The following TMEM163 variants were observed in gnomAD, a reference collection of about 807,000 sequenced individuals.
TMEM163 encodes the protein transmembrane protein 163.
In TMEM163, 17 loss-of-function variants were observed where a neutral mutation model predicts 29.3. The ratio of observed to expected loss-of-function variants is 0.58; its 90% CI spans 0.40 to 0.87. The LOEUF is 0.87. Among genes scored for constraint, TMEM163 ranks in the 40% least tolerant of loss-of-function variants. The pLI, the probability that TMEM163 is intolerant of heterozygous loss-of-function variation, is 0.00. For missense variants in TMEM163, 303 were observed against 381.5 expected (o/e 0.79, Z 1.71); for synonymous variants, 157 against 160.6 (o/e 0.98, Z 0.17).
chr2:134,718,242 C>G (rs1028533026), intron 1 of TMEM163, among the ~76,000 whole-genome samples: 5 of 152,204 alleles, frequency 3.3e-5, no homozygotes, highest in Non-Finnish European at 5.9e-5. Context: ...TTCGCCGGGG[C>G]GGGCAGCCGG....
intron 2 of TMEM163, among the ~76,000 whole-genome samples, chr2:134,711,828 T>G (rs1684933266): frequency 6.6e-6 from 1 of 152,208 alleles, no homozygotes; most frequent in African/African-American, 2.4e-5. Context: ...CAAAACAGCT[T>G]TATCAGGCAC....
At chr2:134,511,465 T>C (rs1679948558) in intron 4 of TMEM163, among the ~76,000 whole-genome samples, 2 of 152,242 alleles carry the variant, frequency 1.3e-5, no homozygotes, top group South Asian at 2.1e-4. Flanking sequence ...CTGACTCACA[T>C]TCAAAAAGGA....
At chr2:134,534,789 T>A (rs962265859) in intron 4 of TMEM163, among the ~76,000 whole-genome samples, 4 of 151,768 alleles carry the variant, frequency 2.6e-5, no homozygotes, top group African/African-American at 9.7e-5. Context: ...TAAAAATGAA[T>A]CTTTATTCTA....
At chr2:134,656,566 T>G (rs895406132) in intron 2 of TMEM163, among the ~76,000 whole-genome samples, 15 of 152,126 alleles carry the variant, frequency 9.9e-5, no homozygotes, top group Non-Finnish European at 2.2e-4. Flanking sequence ...CCATCTTGGC[T>G]CCTCCCCCCG....
intron 2 of TMEM163, among the ~76,000 whole-genome samples, chr2:134,674,116 T>C (rs79854447): frequency 0.017 from 2,540 of 152,280 alleles, 70 homozygotes; most frequent in African/African-American, 0.058. Context: ...ATTCCTCATT[T>C]ATGTGAACAA....
At chr2:134,574,515 G>A (rs552604505) in intron 2 of TMEM163, among the ~76,000 whole-genome samples, 6 of 152,178 alleles carry the variant, frequency 3.9e-5, no homozygotes, top group East Asian at 3.9e-4. Flanking sequence ...AGCCAAGATC[G>A]CGCCACTGCA....
intron 2 of TMEM163, among the ~76,000 whole-genome samples, chr2:134,711,136 T>A (rs1488408374): frequency 6.6e-6 from 1 of 152,244 alleles, no homozygotes; most frequent in African/African-American, 2.4e-5. Context: ...TCTATTTATT[T>A]CCATTCAAAA....
At chr2:134,471,696 G>A (rs548882235) in intron 5 of TMEM163, among the ~76,000 whole-genome samples, 9 of 152,268 alleles carry the variant, frequency 5.9e-5, no homozygotes, top group Non-Finnish European at 8.8e-5. Context: ...ACCATAACAC[G>A]TGTAGGCTGT....
At position 134,545,576 on chromosome 2, in the gene TMEM163, C is replaced by T. The variant is rs74832926; in HGVS notation, c.458+4994G>A. On this transcript the variant is annotated intron_variant, in intron 4 of 7. Transcript: ENST00000281924. Reference sequence around the variant, plus strand: ...CCCTCACCTCCTGGCCCCTTCCCTGCACTCACTGACGACTCACTGATGATG... The same window carrying T: ...CCCTCACCTCCTGGCCCCTTCCCTGTACTCACTGACGACTCACTGATGATG... Among the ~76,000 whole-genome samples, 438 of 152,264 alleles carry T rather than the reference C, an allele frequency of 2.9e-3. 22 individuals are homozygous for T. The East Asian group carries it at 0.08, about 28-fold the overall frequency.
rs375477993 is a variant in TMEM163 at position 134,654,274 on chromosome 2, T to C, written c.322+58926A>G. ...TATTTAGGATAGTTAGCTCTTCTTGTTGAATTGATCCCTTTACCATTATGT... is the reference window on the plus strand; with the variant it reads ...TATTTAGGATAGTTAGCTCTTCTTGCTGAATTGATCCCTTTACCATTATGT... On this transcript the variant is annotated intron_variant, in intron 2 of 7. Transcript: ENST00000281924. Among the ~76,000 whole-genome samples, 502 of 124,120 alleles carry C rather than the reference T, an allele frequency of 4.0e-3. 38 individuals are homozygous for C. Among genetic ancestry groups the C allele is most frequent in the African/African-American group, 0.017 (459 of 26,266 alleles). The allele number at this position is 124,120 out of a possible 152,430, so 81.4% of individuals were successfully genotyped here.
chr2:134,699,610 G>A (rs1684654144), intron 2 of TMEM163, among the ~76,000 whole-genome samples: 1 of 152,134 alleles, frequency 6.6e-6, no homozygotes, highest in African/African-American at 2.4e-5. Context: ...GTTATGGATG[G>A]CAGTCAAAAG....
intron 2 of TMEM163, among the ~76,000 whole-genome samples, chr2:134,602,260 C>CTG (rs1177115047): frequency 1.3e-5 from 2 of 152,168 alleles, no homozygotes; most frequent in Non-Finnish European, 2.9e-5. Context: ...CTTGGCTTTC[C>CTG]TGTGCAATTA....
At chr2:134,484,213 G>GCACAACGCGTGGAGGAAAAAAAAACA (rs1263329519) in intron 5 of TMEM163, among the ~76,000 whole-genome samples, 1 of 152,054 alleles carries the variant, frequency 6.6e-6, no homozygotes, top group East Asian at 1.9e-4. Flanking sequence ...TGAGTGCCTA[G>GCACAACGCGTGGAGGAAAAAAAAACA]CACAACGCGT....
At chr2:134,537,843 TC>T (rs2106501928) in intron 4 of TMEM163, among the ~76,000 whole-genome samples, 1 of 152,268 alleles carries the variant, frequency 6.6e-6, no homozygotes, top group African/African-American at 2.4e-5. Flanking sequence ...GGAAGTTTCC[TC>T]CAGAACAATG....
At chr2:134,664,215 G>A (rs1192667977) in intron 2 of TMEM163, among the ~76,000 whole-genome samples, 1 of 152,172 alleles carries the variant, frequency 6.6e-6, no homozygotes, top group African/African-American at 2.4e-5. Context: ...AGATTATAAT[G>A]TCCATGGCTT....
chr2:134,708,968 A>G (rs1684872895), intron 2 of TMEM163, among the ~76,000 whole-genome samples: 1 of 152,164 alleles, frequency 6.6e-6, no homozygotes, highest in Non-Finnish European at 1.5e-5. Context: ...GTATCTTAGG[A>G]AAGGTTTTCC....
At chr2:134,509,239 AT>A (rs749089540) in intron 4 of TMEM163, among the ~76,000 whole-genome samples, 1 of 152,210 alleles carries the variant, frequency 6.6e-6, no homozygotes, top group Non-Finnish European at 1.5e-5. Flanking sequence ...TGAAATTTTA[AT>A]TTCTTTTAAT....
rs1684965328 is a variant in TMEM163, at chr2:134,713,225, G to A, written c.297C>T (p.Thr99=). The A allele has an allele frequency of 6.2e-7, 1 of 1,613,982 alleles. No homozygotes were observed. The highest frequency in any genetic ancestry group is 1.3e-5 in the African/African-American group (1 of 74,916). ...LWVSWFSIIV[T]LALAVAAFTV... Reference sequence around the variant, plus strand: ...TAAAGGCAGCCACCGCGAGGGCCAGGGTGACAATGATGGAGAACCAGGACA... The same window carrying A: ...TAAAGGCAGCCACCGCGAGGGCCAGAGTGACAATGATGGAGAACCAGGACA... The change falls in exon 2 of 8, where the codon ACC becomes ACT. Residue 99 remains threonine, a synonymous_variant. Coordinates refer to ENST00000281924, the MANE Select transcript of TMEM163 (RefSeq NM_030923.5).
intron 2 of TMEM163, among the ~76,000 whole-genome samples, chr2:134,655,596 T>G (rs1683583218): frequency 7.0e-6 from 1 of 141,916 alleles, no homozygotes; most frequent in African/African-American, 2.9e-5. Context: ...GGTGAGGAAC[T>G]GCATTCCTTT....
Sources: gnomAD v4.1 joint callset for allele counts (sites outside exome capture counted in the v4.1 genomes callset) on GRCh38, gnomAD v4.1.1 for gene constraint, MANE v1.5 for transcripts, NCBI Gene and HGNC (gene_info 2026-07-23, HGNC 2026-07-21) for gene names.